The following TRAPPC9 variants were observed in gnomAD, a reference collection of about 807,000 sequenced individuals.
TRAPPC9 encodes IKK2 binding protein.
Under a neutral mutation model 124.0 loss-of-function variants are expected in TRAPPC9, and 83 were observed. The ratio of observed to expected loss-of-function variants is 0.67; its 90% confidence interval spans 0.56 to 0.80. TRAPPC9 has a LOEUF of 0.80. TRAPPC9 is among the 30% of genes least tolerant of loss of function. The pLI is 0.00. For synonymous variants in TRAPPC9, 638 were observed against 617.5 expected (o/e 1.03, Z -0.49); for missense variants, 1,302 against 1,508.3 (o/e 0.86, Z 2.27).
intron 21 of TRAPPC9, among the ~76,000 whole-genome samples, chr8:139,811,024 C>CA (rs1473540282): frequency 6.6e-6 from 1 of 152,050 alleles, no homozygotes; most frequent in Admixed American, 6.5e-5. Flanking sequence ...GTAAAAGAGA[C>CA]AAAGATAAAT....
intron 9 of TRAPPC9, among the ~76,000 whole-genome samples, chr8:140,357,626 G>T (rs2132159171): frequency 6.6e-6 from 1 of 152,210 alleles, no homozygotes; most frequent in South Asian, 2.1e-4. Context: ...CCCAGGGGCT[G>T]GGGAGAGCAA....
chr8:140,324,060 C>T (rs557109254), intron 9 of TRAPPC9, among the ~76,000 whole-genome samples: 5 of 152,230 alleles, frequency 3.3e-5, no homozygotes, highest in South Asian at 2.1e-4. Context: ...ACCCTTTCCC[C>T]GGAGTCCCCA....
intron 17 of TRAPPC9, among the ~76,000 whole-genome samples, chr8:140,070,108 T>C (rs894479259): frequency 3.3e-5 from 5 of 152,230 alleles, no homozygotes; most frequent in Admixed American, 3.3e-4. Flanking sequence ...CGGCAACGCG[T>C]TACCAGTTCT....
At chr8:140,328,166 A>C (rs758398574) in intron 9 of TRAPPC9, among the ~76,000 whole-genome samples, 2 of 152,130 alleles carry the variant, frequency 1.3e-5, no homozygotes, top group African/African-American at 2.4e-5. Flanking sequence ...CAGACAGAAG[A>C]ATCGCTTGAA....
At chr8:140,236,798 TC>T (rs1310965507) in intron 16 of TRAPPC9, among the ~76,000 whole-genome samples, 1 of 152,200 alleles carries the variant, frequency 6.6e-6, no homozygotes, top group African/African-American at 2.4e-5. Context: ...CATAAACACG[TC>T]ACTTCTCCCC....
intron 19 of TRAPPC9, among the ~76,000 whole-genome samples, chr8:139,956,335 G>A (rs1295663789): frequency 6.6e-6 from 1 of 151,996 alleles, no homozygotes; most frequent in African/African-American, 2.4e-5. Flanking sequence ...ATAATTTTTT[G>A]TATTTTTAGT....
intron 21 of TRAPPC9, among the ~76,000 whole-genome samples, chr8:139,743,760 G>T (rs1356774076): frequency 6.6e-6 from 1 of 152,200 alleles, no homozygotes; most frequent in Non-Finnish European, 1.5e-5. Flanking sequence ...GGGGCAGGCA[G>T]GCACATCCCA....
intron 19 of TRAPPC9, among the ~76,000 whole-genome samples, chr8:139,959,011 G>A (rs1045039104): frequency 7.4e-4 from 111 of 150,188 alleles, no homozygotes; most frequent in African/African-American, 2.7e-3. Flanking sequence ...GAGTCACACG[G>A]GGGAGGCCTG....
chr8:140,382,940 G>A (rs2068651795), intron 7 of TRAPPC9, among the ~76,000 whole-genome samples: 1 of 152,196 alleles, frequency 6.6e-6, no homozygotes, highest in African/African-American at 2.4e-5. Flanking sequence ...CACCTCACAT[G>A]GCCGGGTAGC....
At chr8:139,899,087 T>C (rs1587138724) in intron 20 of TRAPPC9, among the ~76,000 whole-genome samples, 1 of 115,702 alleles carries the variant, frequency 8.6e-6, no homozygotes, top group African/African-American at 3.5e-5. Flanking sequence ...ACCATTGCAC[T>C]CCAGCCTGGG....
At chr8:139,796,830 C>A (rs1823133732) in intron 21 of TRAPPC9, among the ~76,000 whole-genome samples, 1 of 152,234 alleles carries the variant, frequency 6.6e-6, no homozygotes, top group Non-Finnish European at 1.5e-5. Flanking sequence ...GCTAGACTGT[C>A]TTCCAAAGTG....
intron 15 of TRAPPC9, among the ~76,000 whole-genome samples, chr8:140,272,408 A>G (rs1269873897): frequency 1.9e-5 from 2 of 106,112 alleles, no homozygotes; most frequent in African/African-American, 2.9e-5. Flanking sequence ...GATGGTGATA[A>G]TGGTGATGGT....
chr8:140,065,409 G>A (rs1363074857), intron 17 of TRAPPC9, among the ~76,000 whole-genome samples: 1 of 152,250 alleles, frequency 6.6e-6, no homozygotes, highest in Non-Finnish European at 1.5e-5. Context: ...CAGATTTGCA[G>A]TGTAGGTAAA....
At chr8:139,805,569 G>C (rs185300619) in intron 21 of TRAPPC9, among the ~76,000 whole-genome samples, 3 of 152,364 alleles carry the variant, frequency 2.0e-5, no homozygotes, top group Non-Finnish European at 4.4e-5. Context: ...TCCTCTGGGA[G>C]TCGGGGCTGG....
At position 140,435,176 on chromosome 8, in the gene TRAPPC9, C is replaced by A; in HGVS notation, c.795G>T (p.Lys265Asn). ...IYHYPGGTGGKSGARRFQGST... is the reference protein window; with the variant it reads ...IYHYPGGTGGNSGARRFQGST... ...TGCCCTGGAACCTCCGAGCTCCACT[C>A]TTCCCACCAGTTCCACCAGGATAGT... Residue 265 changes from lysine to asparagine, a missense_variant, in exon 4 of 23, where the codon AAG becomes AAT. Lys to Asn is a moderately conservative substitution (Grantham distance 94). Transcript: ENST00000438773. 6.2e-7 allele frequency: 1 copy of A among 1,614,126 alleles called. No individual in the cohort carries two copies. Among genetic ancestry groups the A allele is most frequent in the East Asian group, 2.2e-5 (1 of 44,886 alleles).
chr8:139,952,062 C>G (rs1039059994), intron 19 of TRAPPC9, among the ~76,000 whole-genome samples: 1 of 152,180 alleles, frequency 6.6e-6, no homozygotes, highest in Non-Finnish European at 1.5e-5. Context: ...TAATCATCTC[C>G]TCAAGCTTAA....
chr8:139,873,966 G>A (rs1829160774), intron 21 of TRAPPC9, among the ~76,000 whole-genome samples: 2 of 152,218 alleles, frequency 1.3e-5, no homozygotes, highest in Admixed American at 1.3e-4. Context: ...CAAACTGGCT[G>A]CTGCCTTGCC....
At chr8:139,901,019 A>C (rs963076745) in intron 20 of TRAPPC9, among the ~76,000 whole-genome samples, 1 of 151,556 alleles carries the variant, frequency 6.6e-6, no homozygotes. Flanking sequence ...ATAAATAAAT[A>C]AAAATAAAAT....
At chr8:139,995,771 C>T (rs558992631) in intron 18 of TRAPPC9, among the ~76,000 whole-genome samples, 51 of 150,826 alleles carry the variant, frequency 3.4e-4, no homozygotes, top group African/African-American at 5.9e-4. Flanking sequence ...GCAAGAATGC[C>T]GACGGGCACC....
Sources: gnomAD v4.1 joint callset for allele counts (sites outside exome capture counted in the v4.1 genomes callset) on GRCh38, gnomAD v4.1.1 for gene constraint, MANE v1.5 for transcripts, NCBI Gene and HGNC (gene_info 2026-07-23, HGNC 2026-07-21) for gene names.